ERP44: variants seen among roughly 807,000 people sequenced by gnomAD.
ERP44 encodes endoplasmic reticulum protein 44.
Under a neutral mutation model 53.4 loss-of-function variants are expected in ERP44, and 25 were observed. The ratio of observed to expected loss-of-function variants is 0.47; its 90% confidence interval spans 0.34 to 0.65. The LOEUF (loss-of-function observed/expected upper bound fraction) is 0.65. Among genes scored for constraint, ERP44 ranks in the 30% least tolerant of loss-of-function variants. The pLI is 0.01. For synonymous variants in ERP44, 145 were observed against 161.2 expected (o/e 0.90, Z 0.76); for missense variants, 338 against 493.2 (o/e 0.69, Z 2.98).
intron 10 of ERP44, chr9:99,998,981 C>G: frequency 1.4e-6 from 2 of 1,395,826 alleles, no homozygotes; most frequent in Non-Finnish European, 2.0e-6. Context: ...GATCTCAGGT[C>G]GGCGGCAAAG....
chr9:100,098,951 TC>T lies in ERP44; in HGVS notation c.-112del. The T allele has an allele frequency of 2.4e-6, 2 of 832,186 alleles. No homozygotes were observed. The highest frequency in any genetic ancestry group is 3.9e-6 in the Non-Finnish European group (2 of 507,742). The allele number at this position is 832,186 out of a possible 1,614,324, so 51.6% of individuals were successfully genotyped here. ...GGGAGCCGACGGCAGCGGAGGATTC[TC>T]CAGGCAGCGGCACCTCGTCCTCTCG... On this transcript the variant is annotated 5_prime_UTR_variant, in exon 1 of 12. Transcript: ENST00000262455.
intron 4 of ERP44, among the ~76,000 whole-genome samples, chr9:100,037,635 C>T (rs184885807): frequency 1.4e-4 from 22 of 152,176 alleles, no homozygotes; most frequent in African/African-American, 3.9e-4. Context: ...GACTTTGTCT[C>T]GCATCTGGGA....
chr9:100,096,859 G>T (rs535764133), intron 1 of ERP44, among the ~76,000 whole-genome samples: 1 of 152,274 alleles, frequency 6.6e-6, no homozygotes, highest in East Asian at 1.9e-4. Flanking sequence ...AGAATACTGA[G>T]TAAGTAGGTT....
intron 4 of ERP44, among the ~76,000 whole-genome samples, chr9:100,042,125 C>T (rs1825911612): frequency 6.6e-6 from 1 of 152,104 alleles, no homozygotes; most frequent in African/African-American, 2.4e-5. Context: ...AAAGACAACC[C>T]ACATAACTGG....
rs1345544753 is a variant in ERP44, at chr9:99,981,284, CT to C, written c.*1327del. 7 of 152,384 alleles carry C rather than the reference CT, an allele frequency of 4.6e-5. No homozygotes were observed. The East Asian group carries it at 1.3e-3, about 29-fold the overall frequency. 9.4% of individuals were successfully genotyped at this position (152,384 alleles called of 1,614,324 possible). A position where few individuals can be genotyped will look rare whatever the true frequency, so the allele number is the denominator to read the frequency against. ...ATCATGCATAACGAGGAATTATAAGCTGGTTTTTAAAAATAACAATCATTAA... is the reference window on the plus strand; with the variant it reads ...ATCATGCATAACGAGGAATTATAAGCGGTTTTTAAAAATAACAATCATTAA... On this transcript the variant is annotated 3_prime_UTR_variant, in exon 12 of 12. Coordinates refer to ENST00000262455, the MANE Select transcript of ERP44 (RefSeq NM_015051.3).
intron 1 of ERP44, among the ~76,000 whole-genome samples, chr9:100,094,187 C>T (rs559517111): frequency 2.8e-4 from 43 of 151,982 alleles, no homozygotes; most frequent in African/African-American, 8.7e-4. Flanking sequence ...AATTTCTATC[C>T]GCATCTCTAG....
In ERP44 at chr9:99,980,413, A is replaced by C. The variant is rs2118590087; in HGVS notation, c.*2199T>G. 5.1e-6 allele frequency: 1 copy of C among 195,568 alleles called. No individual in the cohort carries two copies. Among genetic ancestry groups the C allele is most frequent in the East Asian group, 1.2e-4 (1 of 8,384 alleles). 12.1% of individuals were successfully genotyped at this position (195,568 alleles called of 1,614,324 possible). ...TGGGATCCAGATAGACAGTGCCAGC[A>C]TTTCAAATAATATCTAAAGACTGTC... On this transcript the variant is annotated 3_prime_UTR_variant, in exon 12 of 12. Coordinates refer to ENST00000262455, the MANE Select transcript of ERP44 (RefSeq NM_015051.3).
rs1830147976 is a variant in ERP44, at chr9:99,981,418, T to C, written c.*1194A>G. 1 of 152,624 alleles carries C rather than the reference T, an allele frequency of 6.6e-6. No individual in the cohort carries two copies. Among genetic ancestry groups the C allele is most frequent in the African/African-American group, 2.4e-5 (1 of 41,440 alleles). 9.5% of individuals were successfully genotyped at this position (152,624 alleles called of 1,614,324 possible). A position where few individuals can be genotyped will look rare whatever the true frequency, so the allele number is the denominator to read the frequency against. On this transcript the variant is annotated 3_prime_UTR_variant, in exon 12 of 12. Coordinates refer to ENST00000262455, the MANE Select transcript of ERP44 (RefSeq NM_015051.3). The stretch of plus-strand genomic sequence containing the variant: ...CAGCCTTTTAAGCTTAAAAATAATC[T>C]TTTCCCAAACTGGGATTGATTTATA...
Position 99,979,794 on chromosome 9 carries a change from C to T in ERP44, c.*2818G>A, listed in dbSNP as rs1253108218. On this transcript the variant is annotated 3_prime_UTR_variant, in exon 12 of 12. Transcript: ENST00000262455. ...CTTCTACCTGAAATGGTCTGATTCA[C>T]GGTTCAGAGGGGGAACAAGTCTAAA... The T allele has an allele frequency of 2.9e-5, 11 of 382,668 alleles. No homozygotes were observed. The highest frequency in any genetic ancestry group is 4.7e-5 in the Admixed American group (1 of 21,476). The allele number at this position is 382,668 out of a possible 1,614,324, so 23.7% of individuals were successfully genotyped here.
At chr9:100,044,139 T>C (rs1027173728) in intron 4 of ERP44, among the ~76,000 whole-genome samples, 2 of 152,242 alleles carry the variant, frequency 1.3e-5, no homozygotes, top group African/African-American at 4.8e-5. Flanking sequence ...GCAGTATTTA[T>C]TTCATTTTTG....
At chr9:99,992,941 G>A (rs1830270923) in intron 10 of ERP44, among the ~76,000 whole-genome samples, 1 of 152,102 alleles carries the variant, frequency 6.6e-6, no homozygotes, top group African/African-American at 2.4e-5. Flanking sequence ...AAATACCTAG[G>A]AATCCAATTT....
intron 2 of ERP44, among the ~76,000 whole-genome samples, 168 bp from the exon 3 acceptor site, chr9:100,058,027 T>C (rs1164847735): frequency 6.6e-6 from 1 of 152,184 alleles, no homozygotes; most frequent in Non-Finnish European, 1.5e-5. Flanking sequence ...ATATAATTTA[T>C]GGGAAACTTT....
At chr9:100,056,178 A>C (rs1288747290) in intron 3 of ERP44, among the ~76,000 whole-genome samples, 1 of 152,206 alleles carries the variant, frequency 6.6e-6, no homozygotes, top group Non-Finnish European at 1.5e-5. Context: ...TAACCTTGGG[A>C]AAGTACTTCA....
At chr9:100,057,124 A>C (rs1365590441) in intron 3 of ERP44, among the ~76,000 whole-genome samples, 1 of 152,214 alleles carries the variant, frequency 6.6e-6, no homozygotes, top group African/African-American at 2.4e-5. Flanking sequence ...GTAGGTAGTA[A>C]GCCTTAAAGG....
At chr9:100,002,703 T>C (rs1455072952) in intron 10 of ERP44, among the ~76,000 whole-genome samples, 1 of 151,746 alleles carries the variant, frequency 6.6e-6, no homozygotes, top group Non-Finnish European at 1.5e-5. Context: ...CTTGCTGCTT[T>C]CATAATCTTC....
intron 4 of ERP44, among the ~76,000 whole-genome samples, chr9:100,043,453 C>T (rs1000218162): frequency 4.6e-5 from 7 of 151,306 alleles, no homozygotes; most frequent in Admixed American, 1.3e-4. Flanking sequence ...GTGACTATTA[C>T]GGACTTCAAA....
intron 1 of ERP44, among the ~76,000 whole-genome samples, chr9:100,068,240 T>G (rs551946050): frequency 7.4e-5 from 10 of 136,002 alleles, no homozygotes; most frequent in African/African-American, 2.5e-4. Flanking sequence ...AGCCGCCCCG[T>G]ACGGAAGGTG....
At chr9:100,075,920 T>C (rs927434865) in intron 1 of ERP44, among the ~76,000 whole-genome samples, 1 of 152,138 alleles carries the variant, frequency 6.6e-6, no homozygotes, top group Non-Finnish European at 1.5e-5. Context: ...GTTCTGCCAC[T>C]TGGGCCATAT....
Position 100,052,509 on chromosome 9 carries a change from T to C in ERP44, c.194A>G (p.His65Arg), listed in dbSNP as rs1826049577. ...ADWCRFSQML[H>R]PIFEEASDVI... ...ATCGGAAGCTTCCTCAAAAATTGGA[T>C]GCAACATCTGACTGAAACGACACCT... The change falls in exon 4 of 12, where the codon CAT becomes CGT. Residue 65 changes from histidine (H) to arginine (R), a missense_variant. Around this residue, in one of 3 missense-constraint regions of ERP44, gnomAD observed 224 missense variants for 301.4 expected, o/e 0.74. Transcript: ENST00000262455. 1 of 1,611,378 alleles carries C rather than the reference T, an allele frequency of 6.2e-7. No individual in the cohort carries two copies. The highest frequency in any genetic ancestry group is 8.5e-7 in the Non-Finnish European group (1 of 1,178,356).
Sources: gnomAD v4.1 joint callset for allele counts (sites outside exome capture counted in the v4.1 genomes callset) on GRCh38, gnomAD v4.1.1 for gene constraint, gnomAD v4.1.1 regional missense constraint, MANE v1.5 for transcripts, NCBI Gene and HGNC (gene_info 2026-07-23, HGNC 2026-07-21) for gene names.